Variants in C21orf91 observed in about 807,000 individuals in gnomAD.
C21orf91 encodes the protein protein EURL homolog.
Under a neutral mutation model 32.9 loss-of-function variants are expected in C21orf91, and 26 were observed. The ratio of observed to expected loss-of-function variants is 0.79; its 90% CI spans 0.58 to 1.10. The LOEUF (loss-of-function observed/expected upper bound fraction) is 1.10. Ranked by LOEUF, C21orf91 falls within the 50% of genes least tolerant of loss-of-function variation. C21orf91 has a pLI of 0.00. For missense variants in C21orf91, 310 were observed against 341.3 expected (o/e 0.91, Z 0.72); for synonymous variants, 126 against 120.4 (o/e 1.05, Z -0.31).
At chr21:17,819,031 A>T (rs1417748579) in intron 1 of C21orf91, 5 of 152,082 alleles carry the variant, frequency 3.3e-5, no homozygotes, top group Non-Finnish European at 5.9e-5. Flanking sequence ...TTCCTCCCAG[A>T]GGGAAGAAAG....
chr21:17,797,731 T>A (rs60504355), intron 2 of C21orf91, among the ~76,000 whole-genome samples: 14,662 of 152,032 alleles, frequency 0.096, 907 homozygotes, highest in African/African-American at 0.17. Context: ...ATAATTTTAT[T>A]TTCTAGAAGA....
intron 2 of C21orf91, among the ~76,000 whole-genome samples, chr21:17,797,867 A>G (rs1230115584): frequency 6.6e-6 from 1 of 152,052 alleles, no homozygotes; most frequent in Admixed American, 6.6e-5. Context: ...TTACTTTTAT[A>G]TCTCTCAACT....
chr21:17,818,275 T>C lies in C21orf91; in HGVS notation c.44A>G (p.Asp15Gly). ...EQFVNIDLND[D>G]NICSVCKLGT... ...CAGTTTACAAACACTGCAAATGTTG[T>C]CATCATTCAAATCAATGTTTACAAA... The change falls in exon 2 of 5, where the codon GAC becomes GGC. Residue 15 changes from aspartate (D) to glycine (G), a missense_variant. Physicochemically the swap from Asp to Gly is moderately conservative, Grantham distance 94. Coordinates refer to ENST00000284881, the MANE Select transcript of C21orf91 (RefSeq NM_001100420.2). 6.2e-7 allele frequency: 1 copy of C among 1,612,068 alleles called. No individual in the cohort carries two copies. The highest frequency in any genetic ancestry group is 8.5e-7 in the Non-Finnish European group (1 of 1,178,334).
chr21:17,812,520 C>T (rs2062638781), intron 2 of C21orf91, among the ~76,000 whole-genome samples: 1 of 152,126 alleles, frequency 6.6e-6, no homozygotes. Context: ...TTGTAAGAAA[C>T]CACTGTTGGC....
intron 4 of C21orf91, among the ~76,000 whole-genome samples, chr21:17,793,992 T>A (rs767279076): frequency 3.3e-5 from 5 of 152,236 alleles, no homozygotes; most frequent in Non-Finnish European, 5.9e-5. Flanking sequence ...GAGTTTTGAA[T>A]CCTTGTTCCT....
At chr21:17,812,094 C>A (rs1226558715) in intron 2 of C21orf91, among the ~76,000 whole-genome samples, 1 of 152,034 alleles carries the variant, frequency 6.6e-6, no homozygotes, top group African/African-American at 2.4e-5. Flanking sequence ...GAAACCAGCT[C>A]CTCATATATG....
chr21:17,801,172 T>C (rs567402727), intron 2 of C21orf91, among the ~76,000 whole-genome samples: 2 of 151,980 alleles, frequency 1.3e-5, no homozygotes, highest in East Asian at 3.9e-4. Context: ...AAAGATAGAT[T>C]GGATAAAGAA....
rs1398906307 is a variant in C21orf91 at position 17,790,960 on chromosome 21, T to G, written c.*2455A>C. ...TGACTGGCAGTCTGTTTTGCCACTT[T>G]TTAAACAGTAGTACATGAGATATGC... On this transcript the variant is annotated 3_prime_UTR_variant, in exon 5 of 5. Transcript: ENST00000284881. 6.6e-6 allele frequency: 1 copy of G among 152,148 alleles called. No homozygotes were observed. The highest frequency in any genetic ancestry group is 2.4e-5 in the African/African-American group (1 of 41,466). 9.4% of individuals were successfully genotyped at this position (152,148 alleles called of 1,614,324 possible).
chr21:17,812,512 G>T (rs913300278), intron 2 of C21orf91, among the ~76,000 whole-genome samples: 1 of 152,178 alleles, frequency 6.6e-6, no homozygotes, highest in Non-Finnish European at 1.5e-5. Context: ...GATAACTTTT[G>T]TAAGAAACCA....
chr21:17,796,462 A>T, intron 3 of C21orf91, 120 bp downstream of exon 3: 1 of 765,824 alleles, frequency 1.3e-6, no homozygotes, highest in Non-Finnish European at 2.2e-6. Flanking sequence ...TGAACCTGTT[A>T]AATACAATGT....
Position 17,801,522 on chromosome 21 carries a change from G to A in C21orf91, c.128-4404C>T, listed in dbSNP as rs902822415. 6.6e-5 allele frequency among the ~76,000 whole-genome samples: 10 copies of A among 152,078 alleles called. No homozygotes were observed. In the East Asian group the frequency reaches 7.7e-4, roughly 12 times the overall value. Reference sequence around the variant, plus strand: ...CCTGACCTTGTGATCCGCCCGCCTCGGCCTCCTAAAGTGCTGGGATTACAG... The same window carrying A: ...CCTGACCTTGTGATCCGCCCGCCTCAGCCTCCTAAAGTGCTGGGATTACAG... On this transcript the variant is annotated intron_variant, in intron 2 of 4. Coordinates refer to ENST00000284881, the MANE Select transcript of C21orf91 (RefSeq NM_001100420.2).
intron 2 of C21orf91, among the ~76,000 whole-genome samples, chr21:17,814,345 A>G (rs1469284578): frequency 6.6e-6 from 1 of 152,220 alleles, no homozygotes; most frequent in Admixed American, 6.5e-5. Context: ...ATATGTATGA[A>G]AAAGTTCATA....
intron 1 of C21orf91, 143 bp from the exon 2 acceptor site, chr21:17,818,468 T>C (rs1303034516): frequency 9.0e-6 from 6 of 666,212 alleles, no homozygotes. Flanking sequence ...ATCGCCATAC[T>C]TGCACTCCAA....
At chr21:17,803,845 C>T (rs2146254762) in intron 2 of C21orf91, among the ~76,000 whole-genome samples, 1 of 151,432 alleles carries the variant, frequency 6.6e-6, no homozygotes, top group East Asian at 2.0e-4. Context: ...AAGTGGCACT[C>T]CCACGGACTG....
chr21:17,806,561 G>A (rs2062595516), intron 2 of C21orf91, among the ~76,000 whole-genome samples: 1 of 152,180 alleles, frequency 6.6e-6, no homozygotes, highest in African/African-American at 2.4e-5. Context: ...GGGGGAGGCT[G>A]GGCACAGTGG....
chr21:17,818,173 A>C lies in C21orf91; in HGVS notation c.127+19T>G. 1 of 1,595,468 alleles carries C rather than the reference A, an allele frequency of 6.3e-7. No homozygotes were observed. The highest frequency in any genetic ancestry group is 8.6e-7 in the Non-Finnish European group (1 of 1,164,752). On this transcript the variant is annotated intron_variant, in intron 2 of 4. Coordinates refer to ENST00000284881, the MANE Select transcript of C21orf91 (RefSeq NM_001100420.2). ...TGTTAAATTCATTCCATAAGATCAA[A>C]ACTATACTGTGTCCTTACCCTCAAT... is the stretch of plus-strand genomic sequence containing the variant.
At chr21:17,801,841 T>TAA (rs988828121) in intron 2 of C21orf91, among the ~76,000 whole-genome samples, 2 of 142,634 alleles carry the variant, frequency 1.4e-5, no homozygotes, top group African/African-American at 5.1e-5. Context: ...CTTAAAGTAT[T>TAA]AAAAAAAAAA....
chr21:17,802,650 A>AC (rs2062569794), intron 2 of C21orf91, among the ~76,000 whole-genome samples: 2 of 152,216 alleles, frequency 1.3e-5, no homozygotes, highest in Admixed American at 1.3e-4. Flanking sequence ...CTCTGCTTTT[A>AC]CCCCTAGCCT....
chr21:17,811,467 T>G (rs1483430130), intron 2 of C21orf91: 1 of 152,206 alleles, frequency 6.6e-6, no homozygotes, highest in Non-Finnish European at 1.5e-5. Context: ...ATCTTTGTCT[T>G]CTTTCTTCAC....
Sources: allele counts gnomAD v4.1 joint callset (sites outside exome capture counted in the v4.1 genomes callset), GRCh38; gene constraint gnomAD v4.1.1; transcripts MANE v1.5; gene names NCBI Gene and HGNC (gene_info 2026-07-23, HGNC 2026-07-21).